The following TECR variants were observed in gnomAD, a reference collection of about 807,000 sequenced individuals.
TECR encodes trans-2,3-enoyl-CoA reductase.
Under a neutral mutation model 50.6 loss-of-function variants are expected in TECR, and 19 were observed. The ratio of observed to expected loss-of-function variants is 0.38; its 90% CI spans 0.26 to 0.55. The LOEUF (loss-of-function observed/expected upper bound fraction) is 0.55. Ranked by LOEUF, TECR falls within the 20% of genes least tolerant of loss-of-function variation. TECR has a pLI of 0.79. For synonymous variants in TECR, 168 were observed against 163.5 expected, an observed-to-expected ratio of 1.03 and a Z score of -0.21; for missense variants, 313 against 408.3, an observed-to-expected ratio of 0.77 and a Z score of 2.01.
Position 14,553,960 on chromosome 19 carries a change from C to T in TECR, c.16-8565C>T, listed in dbSNP as rs548978488. 1.8e-4 allele frequency among the ~76,000 whole-genome samples: 27 copies of T among 152,284 alleles called. 1 individual carries two copies. The highest frequency in any genetic ancestry group is 9.1e-4 in the Admixed American group (14 of 15,304). On this transcript the variant is annotated intron_variant, in intron 1 of 12. Coordinates refer to ENST00000215567, the MANE Select transcript of TECR (RefSeq NM_138501.6). ...AGCCAGGCCTCTTGTGCCCCAGACT[C>T]GGGAGATGCTTCCTACCAGGAAGTG...
At chr19:14,558,810 C>T (rs1418176460) in intron 1 of TECR, among the ~76,000 whole-genome samples, 2 of 152,152 alleles carry the variant, frequency 1.3e-5, no homozygotes, top group Non-Finnish European at 2.9e-5. Context: ...AAGGTCCTGT[C>T]TGTCCTCCCT....
chr19:14,565,179 T>G, intron 10 of TECR, 23 bp from the exon 11 acceptor site: 1 of 1,613,818 alleles, frequency 6.2e-7, no homozygotes, highest in Non-Finnish European at 8.5e-7. Context: ...GGTCTGACTT[T>G]CTCCTTCTGT....
chr19:14,544,450 C>T (rs1013907634), intron 1 of TECR, among the ~76,000 whole-genome samples: 3 of 151,962 alleles, frequency 2.0e-5, no homozygotes, highest in Non-Finnish European at 4.4e-5. Context: ...CCTCAAAAGT[C>T]ACTGCAACTG....
rs907477382 is a variant in TECR at position 14,565,021 on chromosome 19, CG to C, written c.606+34del. The C allele has an allele frequency of 3.7e-6, 6 of 1,613,728 alleles. No homozygotes were observed. The African/African-American group carries it at 8.0e-5, about 22-fold the overall frequency. On this transcript the variant is annotated intron_variant, in intron 9 of 12. Coordinates refer to ENST00000215567, the MANE Select transcript of TECR (RefSeq NM_138501.6). ...AGGAGGCTGGGTGTGGGGACGGGGT[CG>C]GGGGAGTCTGGGCGGCCCTAGGCTG...
chr19:14,563,912 T>C lies in TECR; in HGVS notation c.267+9T>C, dbSNP rs2073978751. 3 of 1,613,942 alleles carry C rather than the reference T, an allele frequency of 1.9e-6. No homozygotes were observed. The highest frequency in any genetic ancestry group is 1.6e-4 in the Middle Eastern group (1 of 6,082). On this transcript the variant is annotated intron_variant, in intron 5 of 12. Coordinates refer to ENST00000215567, the MANE Select transcript of TECR (RefSeq NM_138501.6). The surrounding 1 kb of genome is among the most constrained non-coding windows in gnomAD (Gnocchi z 5.3). ...AGATCAGCTGGGTGACGGTGAGTCC[T>C]GACCCTACCCACGGCCTCTTTTCCC... is the stretch of plus-strand genomic sequence containing the variant.
chr19:14,537,282 G>A (rs1243247298), intron 1 of TECR, among the ~76,000 whole-genome samples: 1 of 145,222 alleles, frequency 6.9e-6, no homozygotes, highest in East Asian at 2.1e-4. Flanking sequence ...AGGGGGAGGC[G>A]GGACCAGGGA....
In TECR at chr19:14,565,204, T is replaced by C; in HGVS notation, c.667T>C (p.Ser223Pro). The change falls in exon 11 of 13, where the codon TCC (serine) becomes CCC (proline). Residue 223 changes from serine to proline, a missense_variant and splice_region_variant. Coordinates refer to ENST00000215567, the MANE Select transcript of TECR (RefSeq NM_138501.6). ...TCTCCTTCTGTCCTGCCTGCCAGGGTCCAAGACGCGGAAGATCCCATACCC... is the reference window on the plus strand; with the variant it reads ...TCTCCTTCTGTCCTGCCTGCCAGGGCCCAAGACGCGGAAGATCCCATACCC... ...MALRDLRPAGSKTRKIPYPTK... is the reference protein window; with the variant it reads ...MALRDLRPAGPKTRKIPYPTK... 1 of 1,613,738 alleles carries C rather than the reference T, an allele frequency of 6.2e-7. No individual in the cohort carries two copies. Among genetic ancestry groups the C allele is most frequent in the Non-Finnish European group, 8.5e-7 (1 of 1,179,940 alleles).
In TECR at chr19:14,563,397, G is replaced by GCCCC; in HGVS notation, c.118+140_118+141insCCCC. ...TGGCCCAGGCTTCTGGGGCGTGACT[G>GCCCC]GGGCAGGCGCCTCCACGTGGCACTC... is the stretch of plus-strand genomic sequence containing the variant. On this transcript the variant is annotated intron_variant, in intron 3 of 12. Coordinates refer to ENST00000215567, the MANE Select transcript of TECR (RefSeq NM_138501.6). This position sits in a 1 kb window ranked among gnomAD's most constrained non-coding sequence, Gnocchi z 5.3. The GCCCC allele has an allele frequency of 1.1e-6, 1 of 919,188 alleles. No homozygotes were observed. The highest frequency in any genetic ancestry group is 1.7e-6 in the Non-Finnish European group (1 of 579,274). The allele number at this position is 919,188 out of a possible 1,614,324, so 56.9% of individuals were successfully genotyped here.
intron 1 of TECR, chr19:14,545,251 T>C: frequency 2.2e-6 from 1 of 455,682 alleles, no homozygotes; most frequent in African/African-American, 2.0e-5. Flanking sequence ...AAATTTACTC[T>C]GTTCCAGCCT....
chr19:14,561,857 C>A (rs545248788), intron 1 of TECR: 2 of 157,594 alleles, frequency 1.3e-5, no homozygotes, highest in Non-Finnish European at 2.8e-5. Flanking sequence ...ATCTGTCTCG[C>A]GGATTCTCAA....
At chr19:14,553,113 A>C (rs1568417475) in intron 1 of TECR, among the ~76,000 whole-genome samples, 1 of 152,030 alleles carries the variant, frequency 6.6e-6, no homozygotes, top group Non-Finnish European at 1.5e-5. Context: ...ATCCTCTATG[A>C]ATGGCTGTGG....
At chr19:14,558,131 C>T (rs752745591) in intron 1 of TECR, among the ~76,000 whole-genome samples, 6 of 152,128 alleles carry the variant, frequency 3.9e-5, no homozygotes, top group Non-Finnish European at 7.4e-5. Flanking sequence ...CTGGGGACAG[C>T]CCACTTTGCC....
chr19:14,527,899 T>C, upstream of TECR: 1 of 149,056 alleles, frequency 6.7e-6, no homozygotes. Flanking sequence ...TTTTTTTTTC[T>C]TTTTTTTTTG....
At chr19:14,533,218 T>G (rs1476303158) in intron 1 of TECR, among the ~76,000 whole-genome samples, 1 of 151,796 alleles carries the variant, frequency 6.6e-6, no homozygotes, top group African/African-American at 2.4e-5. Context: ...GTCAGGAGTT[T>G]GAGACCAGCC....
intron 1 of TECR, among the ~76,000 whole-genome samples, chr19:14,535,690 G>A (rs1191481554): frequency 3.6e-5 from 5 of 140,418 alleles, no homozygotes; most frequent in Admixed American, 1.5e-4. Flanking sequence ...GGGAGGTGGA[G>A]GTCGCGGACG....
At chr19:14,561,963 A>AC (rs1187772256) in intron 1 of TECR, 1 of 202,610 alleles carries the variant, frequency 4.9e-6, no homozygotes, top group Admixed American at 5.3e-5. Flanking sequence ...TCCTCTAGCC[A>AC]CTGGCTCTGT....
At chr19:14,564,389 C>G (rs868006028) in intron 7 of TECR, 102 bp downstream of exon 7, 4 of 979,210 alleles carry the variant, frequency 4.1e-6, no homozygotes, top group Non-Finnish European at 6.1e-6. Flanking sequence ...TCTGCCACTA[C>G]GCCCCAGCAG....
At chr19:14,542,510 C>A (rs1266332229) in intron 1 of TECR, among the ~76,000 whole-genome samples, 1 of 151,668 alleles carries the variant, frequency 6.6e-6, no homozygotes, top group Non-Finnish European at 1.5e-5. Context: ...TACAGGCATC[C>A]ACCACCACTC....
intron 1 of TECR, among the ~76,000 whole-genome samples, chr19:14,532,899 C>T (rs2072726834): frequency 6.6e-6 from 1 of 151,716 alleles, no homozygotes; most frequent in South Asian, 2.1e-4. Flanking sequence ...CACTTGAAGT[C>T]AGGAGTTCGA....
Sources: allele counts gnomAD v4.1 joint callset (sites outside exome capture counted in the v4.1 genomes callset), GRCh38; gene constraint gnomAD v4.1.1; non-coding constraint Gnocchi (gnomAD v3.1); transcripts MANE v1.5; gene names NCBI Gene and HGNC (gene_info 2026-07-23, HGNC 2026-07-21).